ACOXL: variants seen among roughly 807,000 people sequenced by gnomAD.
The protein encoded by ACOXL is acyl-coenzyme A oxidase-like protein.
A neutral mutation model predicts 71.9 loss-of-function variants in ACOXL; 70 were observed. That is an observed-to-expected ratio of 0.97 (90% CI 0.80 to 1.19). ACOXL has a LOEUF of 1.19. Ranked by LOEUF, ACOXL falls within the 50% of genes most tolerant of loss-of-function variation. The probability of loss-of-function intolerance (pLI) is 0.00; values close to 1 mark genes in which losing one functional copy is unlikely to be tolerated. For missense variants in ACOXL, 703 were observed against 736.3 expected (o/e 0.95, Z 0.52); for synonymous variants, 253 against 281.6 (o/e 0.90, Z 1.02).
chr2:110,881,833 A>G (rs1304467637), intron 10 of ACOXL, among the ~76,000 whole-genome samples: 2 of 151,706 alleles, frequency 1.3e-5, no homozygotes, highest in Non-Finnish European at 2.9e-5. Flanking sequence ...TTGTAGATTC[A>G]TATTCAGTTG....
chr2:110,839,264 A>G (rs1690843641), intron 9 of ACOXL, among the ~76,000 whole-genome samples: 2 of 152,204 alleles, frequency 1.3e-5, no homozygotes, highest in Non-Finnish European at 2.9e-5. Flanking sequence ...AGTCAGTAAA[A>G]TTATCTTATA....
chr2:111,014,995 AG>A (rs2064359293), intron 14 of ACOXL, among the ~76,000 whole-genome samples: 1 of 152,248 alleles, frequency 6.6e-6, no homozygotes, highest in Non-Finnish European at 1.5e-5. Context: ...TCAATGTAAA[AG>A]GGAAAAACTA....
chr2:111,047,614 G>A (rs574471772), intron 15 of ACOXL, among the ~76,000 whole-genome samples: 1 of 152,326 alleles, frequency 6.6e-6, no homozygotes, highest in Non-Finnish European at 1.5e-5. Context: ...CCAGGCAGGT[G>A]TATTCTGAAT....
chr2:111,104,731 A>G (rs1035309096), intron 17 of ACOXL, among the ~76,000 whole-genome samples: 1 of 152,130 alleles, frequency 6.6e-6, no homozygotes, highest in East Asian at 1.9e-4. Context: ...GTCCTTTGTC[A>G]GATATGTAGC....
rs75276092 is a variant in ACOXL at position 110,972,475 on chromosome 2, C to T, written c.1060-14633C>T. On this transcript the variant is annotated intron_variant, in intron 12 of 17. Coordinates refer to ENST00000439055, the MANE Select transcript of ACOXL (RefSeq NM_001142807.4). ...TTCTTGTATAAGTGGGGTGTGTCAACGGTCCCCAGGGTCACCCCCAGGATT... is the reference window on the plus strand; with the variant it reads ...TTCTTGTATAAGTGGGGTGTGTCAATGGTCCCCAGGGTCACCCCCAGGATT... Among the ~76,000 whole-genome samples, 880 of 152,246 alleles carry T rather than the reference C, an allele frequency of 5.8e-3. 4 individuals are homozygous for T. The highest frequency in any genetic ancestry group is 0.014 in the African/African-American group (574 of 41,532).
intron 5 of ACOXL, among the ~76,000 whole-genome samples, chr2:110,796,650 C>G (rs1462392512): frequency 6.6e-6 from 1 of 152,188 alleles, no homozygotes; most frequent in Non-Finnish European, 1.5e-5. Flanking sequence ...TGCGCCCACC[C>G]ACATGGGTTG....
intron 10 of ACOXL, among the ~76,000 whole-genome samples, chr2:110,870,604 G>C (rs545942992): frequency 6.6e-6 from 1 of 152,256 alleles, no homozygotes; most frequent in South Asian, 2.1e-4. Context: ...CAGGCATTCT[G>C]ATTTGCAGCC....
At chr2:110,830,538 AT>A (rs1005173690) in intron 9 of ACOXL, among the ~76,000 whole-genome samples, 295 of 144,894 alleles carry the variant, frequency 2.0e-3, no homozygotes, top group East Asian at 9.6e-3. Flanking sequence ...GTTTTGTATA[AT>A]TTTTTTTTTT....
At chr2:110,752,064 G>A (rs369685340) in intron 1 of ACOXL, among the ~76,000 whole-genome samples, 8 of 141,110 alleles carry the variant, frequency 5.7e-5, no homozygotes, top group East Asian at 2.0e-4. Flanking sequence ...GCTCTGTCTC[G>A]CCCAGGCTGG....
chr2:110,915,350 A>ATATATATATATGTG (rs1491355100), intron 11 of ACOXL, among the ~76,000 whole-genome samples: 86 of 113,626 alleles, frequency 7.6e-4, no homozygotes, highest in South Asian at 4.2e-3. Flanking sequence ...ATATATATAT[A>ATATATATATATGTG]TGTGTGTGTG....
rs1189363090 is a variant in ACOXL at position 110,926,823 on chromosome 2, C to T, written c.906-6666C>T. ...ACCATCCCTGGTTGCACACTCTCTC[C>T]CCATTCAGCCTGGCCCTCTTCAAAT... is the stretch of plus-strand genomic sequence containing the variant. On this transcript the variant is annotated intron_variant, in intron 11 of 17. Coordinates refer to ENST00000439055, the MANE Select transcript of ACOXL (RefSeq NM_001142807.4). Among the ~76,000 whole-genome samples the T allele has an allele frequency of 2.0e-5, 3 of 152,110 alleles. No individual in the cohort carries two copies. In the East Asian group the frequency reaches 5.8e-4, roughly 29 times the overall value.
rs146805061 is a variant in ACOXL at position 110,875,797 on chromosome 2, C to T, written c.789-32992C>T. Among the ~76,000 whole-genome samples the T allele has an allele frequency of 3.2e-4, 48 of 152,228 alleles. No homozygotes were observed. In the East Asian group the frequency reaches 5.2e-3, roughly 17 times the overall value. ...TTTGTCAAATGAGGATTGTAAATTC[C>T]ACCCTTATGGCACCTAAGTGAAGCT... On this transcript the variant is annotated intron_variant, in intron 10 of 17. Transcript: ENST00000439055.
At chr2:111,002,680 T>C (rs2063689926) in intron 14 of ACOXL, among the ~76,000 whole-genome samples, 1 of 152,228 alleles carries the variant, frequency 6.6e-6, no homozygotes, top group African/African-American at 2.4e-5. Context: ...TCTAAGTTTT[T>C]ACCGTTAGGG....
At chr2:110,849,668 G>T (rs890891618) in intron 10 of ACOXL, among the ~76,000 whole-genome samples, 1 of 152,186 alleles carries the variant, frequency 6.6e-6, no homozygotes, top group African/African-American at 2.4e-5. Flanking sequence ...TGAGGCAGGA[G>T]AATTGCTTGA....
At chr2:110,960,260 G>GT (rs1478439411) in intron 12 of ACOXL, among the ~76,000 whole-genome samples, 16 of 152,190 alleles carry the variant, frequency 1.1e-4, no homozygotes, top group Admixed American at 7.9e-4. Flanking sequence ...CTGAACTTCA[G>GT]TTTTTTCATC....
chr2:110,931,122 TATATC>T (rs1416237944), intron 11 of ACOXL, among the ~76,000 whole-genome samples: 1 of 152,216 alleles, frequency 6.6e-6, no homozygotes, highest in Non-Finnish European at 1.5e-5. Context: ...ATGAGTTTCT[TATATC>T]AGATTTTCTT....
intron 14 of ACOXL, among the ~76,000 whole-genome samples, chr2:111,028,182 C>A (rs1421759847): frequency 6.6e-6 from 1 of 151,752 alleles, no homozygotes; most frequent in Non-Finnish European, 1.5e-5. Flanking sequence ...GGAGTGAGAC[C>A]CTGTCTCAAA....
chr2:110,914,048 G>A (rs1223712105), intron 11 of ACOXL, among the ~76,000 whole-genome samples: 1 of 152,136 alleles, frequency 6.6e-6, no homozygotes, highest in African/African-American at 2.4e-5. Flanking sequence ...TCTCTTTTGG[G>A]TGATGAAAAT....
chr2:110,925,697 T>A (rs1046187472), intron 11 of ACOXL, among the ~76,000 whole-genome samples: 1 of 152,224 alleles, frequency 6.6e-6, no homozygotes, highest in Admixed American at 6.5e-5. Flanking sequence ...TTTTGCTTTC[T>A]TATCATTTGT....
Sources: allele counts gnomAD v4.1 joint callset (sites outside exome capture counted in the v4.1 genomes callset), GRCh38; gene constraint gnomAD v4.1.1; transcripts MANE v1.5; gene names NCBI Gene and HGNC (gene_info 2026-07-23, HGNC 2026-07-21).